Variants in UBXN11 observed in about 807,000 individuals in gnomAD.
UBXN11 encodes UBX domain-containing protein 11.
UBXN11 carries 47 observed loss-of-function variants against 62.8 expected under a neutral mutation model. The observed-to-expected ratio is 0.75, with a 90% CI of 0.59 to 0.95. The LOEUF is 0.95. UBXN11 is among the 40% of genes least tolerant of loss of function. The pLI is 0.00. For missense variants in UBXN11, 638 were observed against 661.7 expected (o/e 0.96, Z 0.39); for synonymous variants, 294 against 267.0 (o/e 1.10, Z -0.99).
At position 26,302,975 on chromosome 1, in the gene UBXN11, G is replaced by A. The variant is rs1038828914; in HGVS notation, c.-35-57C>T. The A allele has an allele frequency of 9.2e-5, 115 of 1,250,554 alleles. 1 individual carries two copies. Among genetic ancestry groups the A allele is most frequent in the Middle Eastern group, 4.8e-4 (2 of 4,170 alleles). The allele number at this position is 1,250,554 out of a possible 1,614,324, so 77.5% of individuals were successfully genotyped here. On this transcript the variant is annotated intron_variant, in intron 1 of 14. Coordinates refer to ENST00000374222, the MANE Select transcript of UBXN11 (RefSeq NM_001389556.1). ...ACAGACTCAGGGCTCCAAGCCCAGG[G>A]GGTAGCCTGAAGTTTCCACTTCCCT... is the stretch of plus-strand genomic sequence containing the variant.
chr1:26,284,145 C>A lies in UBXN11; in HGVS notation c.1074G>T (p.Leu358Phe). 1 of 1,607,756 alleles carries A rather than the reference C, an allele frequency of 6.2e-7. No homozygotes were observed. Among genetic ancestry groups the A allele is most frequent in the Non-Finnish European group, 8.5e-7 (1 of 1,176,736 alleles). ...IDIRGPIRDT[L>F]QNCCPLPARI... ...GGGGAGTTAGCATTGGCCTCACCTG[C>A]AAGGTGTCCCTGATGGGGCCCCGGA... The change falls in exon 12 of 15, where the codon TTG (leucine) becomes TTT (phenylalanine). Residue 358 changes from leucine to phenylalanine, a missense_variant. Physicochemically the swap from Leu to Phe is conservative, Grantham distance 22. Transcript: ENST00000374222.
intron 1 of UBXN11, among the ~76,000 whole-genome samples, chr1:26,312,385 A>G (rs150537990): frequency 6.6e-6 from 1 of 151,894 alleles, no homozygotes; most frequent in Non-Finnish European, 1.5e-5. Context: ...TGAGTAGCTG[A>G]GATTACAGGT....
chr1:26,294,962 T>A (rs1270721542), intron 7 of UBXN11, among the ~76,000 whole-genome samples: 2 of 152,176 alleles, frequency 1.3e-5, no homozygotes, highest in East Asian at 3.8e-4. Context: ...TCCTTTCCAA[T>A]TTCCTTCACC....
chr1:26,301,027 G>A lies in UBXN11; in HGVS notation c.101-3C>T, dbSNP rs747451421. On this transcript the variant is annotated splice_region_variant and splice_polypyrimidine_tract_variant and intron_variant, in intron 3 of 14. Coordinates refer to ENST00000374222, the MANE Select transcript of UBXN11 (RefSeq NM_001389556.1). ...ACTCAACATGTCCACCTCATCTTCT[G>A]CAGACAGGGATGCCTAGGTCACCGC... The A allele has an allele frequency of 4.1e-5, 66 of 1,614,102 alleles. No individual in the cohort carries two copies. The South Asian group carries it at 6.9e-4, about 17-fold the overall frequency.
Position 26,282,356 on chromosome 1 carries a change from ACTGGGGCCGGGACCGGGACC to A in UBXN11, c.1486_1505del (p.Gly496SerfsTer?). On this transcript the variant is annotated frameshift_variant, in exon 15 of 15. Transcript: ENST00000374222. LOFTEE classifies it low-confidence loss of function (END_TRUNC). ...GACTGGGGCCGGGACCGGGACCGGG[ACTGGGGCCGGGACCGGGACC>A]GGGACTGGGGCCGGGACCGGGACCG... is the stretch of plus-strand genomic sequence containing the variant. 2 of 360,372 alleles carry A rather than the reference ACTGGGGCCGGGACCGGGACC, an allele frequency of 5.5e-6. No homozygotes were observed. The highest frequency in any genetic ancestry group is 5.1e-5 in the African/African-American group (1 of 19,494). 22.3% of individuals were successfully genotyped at this position (360,372 alleles called of 1,614,324 possible).
intron 8 of UBXN11, among the ~76,000 whole-genome samples, chr1:26,293,769 A>T (rs1461823458): frequency 7.1e-6 from 1 of 140,368 alleles, no homozygotes; most frequent in African/African-American, 2.6e-5. Flanking sequence ...GTAGGGGCCC[A>T]CAGAACCAGG....
At chr1:26,304,840 C>T (rs1050137546) in intron 1 of UBXN11, among the ~76,000 whole-genome samples, 1 of 152,056 alleles carries the variant, frequency 6.6e-6, no homozygotes, top group African/African-American at 2.4e-5. Flanking sequence ...GCCTCCCACA[C>T]TTGAGCCACC....
At chr1:26,297,143 C>A (rs949112725) in intron 6 of UBXN11, 148 bp from the exon 7 acceptor site, 136 of 1,007,440 alleles carry the variant, frequency 1.3e-4, no homozygotes, top group Non-Finnish European at 1.8e-4. Flanking sequence ...CTCCTCTGAC[C>A]CCGTGGCGGT....
intron 3 of UBXN11, 148 bp downstream of exon 3, chr1:26,301,546 G>A (rs2073534246): frequency 2.6e-6 from 3 of 1,136,088 alleles, no homozygotes; most frequent in Non-Finnish European, 3.7e-6. Flanking sequence ...CCCTCAGGGA[G>A]GACAGCATGG....
chr1:26,295,813 A>C lies in UBXN11; in HGVS notation c.432+1106T>G, dbSNP rs542157320. Among the ~76,000 whole-genome samples the C allele has an allele frequency of 8.7e-3, 1,331 of 152,172 alleles. 11 individuals are homozygous for C. The highest frequency in any genetic ancestry group is 0.016 in the Non-Finnish European group (1,078 of 67,930). The stretch of plus-strand genomic sequence containing the variant: ...GGCAGCCTCATGCAGGCGGGGGACT[A>C]TGTCTGTCTTGGTCATGCTCTGCCC... On this transcript the variant is annotated intron_variant, in intron 7 of 14. Transcript: ENST00000374222.
intron 8 of UBXN11, among the ~76,000 whole-genome samples, chr1:26,289,754 TCA>T (rs1360865742): frequency 6.6e-6 from 1 of 152,120 alleles, no homozygotes; most frequent in Non-Finnish European, 1.5e-5. Context: ...CCTACCATGC[TCA>T]GTGGAGAGGT....
chr1:26,306,835 G>GTGTT (rs56047844), upstream of UBXN11: 3 of 84,616 alleles, frequency 3.5e-5, no homozygotes, highest in African/African-American at 1.2e-4. Flanking sequence ...GGGGTGGGGG[G>GTGTT]GGGGGGTGGT....
chr1:26,284,805 G>A (rs1431546630), intron 10 of UBXN11: 9 of 1,108,856 alleles, frequency 8.1e-6, no homozygotes, highest in Non-Finnish European at 7.7e-6. Flanking sequence ...CTTTTTTCCA[G>A]TCTGCAGCAC....
At chr1:26,285,768 C>G in intron 9 of UBXN11, 55 bp downstream of exon 9, 1 of 1,542,436 alleles carries the variant, frequency 6.5e-7, no homozygotes, top group Non-Finnish European at 8.8e-7. Context: ...TCATCCCCAA[C>G]TAACAGTGGG....
At chr1:26,310,746 A>C (rs1239341354), upstream of UBXN11, among the ~76,000 whole-genome samples, 1 of 121,282 alleles carries the variant, frequency 8.2e-6, no homozygotes, top group Admixed American at 8.0e-5. Context: ...AAAAAAAAAA[A>C]AAGGTGTTTT....
chr1:26,293,193 T>C (rs1266233825), intron 8 of UBXN11, among the ~76,000 whole-genome samples: 1 of 152,142 alleles, frequency 6.6e-6, no homozygotes, highest in Non-Finnish European at 1.5e-5. Context: ...ACTCCTGTTT[T>C]GTTGATGAAG....
intron 8 of UBXN11, among the ~76,000 whole-genome samples, chr1:26,292,053 C>G (rs902698365): frequency 4.6e-5 from 7 of 152,228 alleles, no homozygotes; most frequent in Non-Finnish European, 1.0e-4. Flanking sequence ...TCACCATCCC[C>G]ACCCTCAAGC....
chr1:26,313,365 AT>A (rs2073762029), intron 1 of UBXN11, among the ~76,000 whole-genome samples: 1 of 152,060 alleles, frequency 6.6e-6, no homozygotes, highest in Non-Finnish European at 1.5e-5. Flanking sequence ...CAGCACACAC[AT>A]TTCCTCTGAG....
At chr1:26,292,797 T>C (rs972917902) in intron 8 of UBXN11, among the ~76,000 whole-genome samples, 2 of 151,170 alleles carry the variant, frequency 1.3e-5, no homozygotes, top group Non-Finnish European at 2.9e-5. Context: ...GAGGTTGCAG[T>C]GAGCCGAGAT....
Sources: gnomAD v4.1 joint callset for allele counts (sites outside exome capture counted in the v4.1 genomes callset) on GRCh38, gnomAD v4.1.1 for gene constraint, MANE v1.5 for transcripts, NCBI Gene and HGNC (gene_info 2026-07-23, HGNC 2026-07-21) for gene names.